LUZP2: variants seen among roughly 807,000 people sequenced by gnomAD.
LUZP2 encodes the protein leucine zipper protein 2.
A neutral mutation model predicts 51.6 loss-of-function variants in LUZP2; 52 were observed. The observed-to-expected ratio is 1.01, with a 90% confidence interval of 0.81 to 1.27. LUZP2 has a LOEUF of 1.27. Ranked by LOEUF, LUZP2 falls within the 50% of genes most tolerant of loss-of-function variation. The probability of loss-of-function intolerance (pLI) is 0.00; values close to 1 mark genes in which losing one functional copy is unlikely to be tolerated. For missense variants in LUZP2, 436 were observed against 395.4 expected (o/e 1.10, Z -0.87); for synonymous variants, 154 against 137.3 (o/e 1.12, Z -0.85).
chr11:25,030,920 A>ATATATATAATATATATTATATATAT (rs1857637343), intron 9 of LUZP2, among the ~76,000 whole-genome samples: 2 of 15,478 alleles, frequency 1.3e-4, no homozygotes, highest in African/African-American at 3.8e-3. Context: ...ATATTGTATT[A>ATATATATAATATATATTATATATAT]TATATATATA....
intron 5 of LUZP2, among the ~76,000 whole-genome samples, chr11:24,869,284 C>T (rs1295205734): frequency 6.6e-6 from 1 of 152,042 alleles, no homozygotes; most frequent in Non-Finnish European, 1.5e-5. Flanking sequence ...CGTTTTATTG[C>T]ACTTAGCTTC....
chr11:24,804,109 G>C (rs2134122112), intron 5 of LUZP2, among the ~76,000 whole-genome samples: 1 of 151,786 alleles, frequency 6.6e-6, no homozygotes, highest in Middle Eastern at 3.4e-3. Flanking sequence ...GACACTAAGT[G>C]TCTACAATTT....
At chr11:25,035,280 G>GAAAATCATA (rs1857818955) in intron 9 of LUZP2, among the ~76,000 whole-genome samples, 1 of 151,926 alleles carries the variant, frequency 6.6e-6, no homozygotes, top group Non-Finnish European at 1.5e-5. Context: ...TCTTTACTTA[G>GAAAATCATA]AAAATCATAA....
At chr11:25,078,437 CTAAGA>C (rs1859380323) in intron 11 of LUZP2, 112 bp from the exon 12 acceptor site, 5 of 722,338 alleles carry the variant, frequency 6.9e-6, no homozygotes, top group Non-Finnish European at 9.1e-6. Flanking sequence ...TTCATTTTCT[CTAAGA>C]TATTTGTTGA....
intron 5 of LUZP2, among the ~76,000 whole-genome samples, chr11:24,905,113 G>GTA (rs1048180366): frequency 1.4e-4 from 21 of 152,062 alleles, no homozygotes; most frequent in African/African-American, 5.1e-4. Context: ...ACCTTTATAT[G>GTA]TATATATATA....
chr11:24,897,929 A>G (rs372702381), intron 5 of LUZP2, among the ~76,000 whole-genome samples: 1 of 152,182 alleles, frequency 6.6e-6, no homozygotes. Context: ...CTGGAAGAGA[A>G]TAACATAGTG....
chr11:25,042,923 C>T (rs993888875), intron 9 of LUZP2, among the ~76,000 whole-genome samples: 7 of 152,084 alleles, frequency 4.6e-5, no homozygotes, highest in African/African-American at 1.2e-4. Context: ...ATAACCACCA[C>T]GGTATAGGGC....
At chr11:24,946,444 T>C (rs533726065) in intron 7 of LUZP2, among the ~76,000 whole-genome samples, 2 of 152,098 alleles carry the variant, frequency 1.3e-5, no homozygotes, top group East Asian at 1.9e-4. Flanking sequence ...TTTTGTATAA[T>C]GTGATGCTTT....
chr11:24,675,936 A>G (rs1856534549), intron 1 of LUZP2, among the ~76,000 whole-genome samples: 1 of 151,894 alleles, frequency 6.6e-6, no homozygotes, highest in African/African-American at 2.4e-5. Flanking sequence ...CTCATGCCTC[A>G]GCTTCCTGAG....
At chr11:24,977,510 G>A (rs1855911712) in intron 8 of LUZP2, among the ~76,000 whole-genome samples, 1 of 151,546 alleles carries the variant, frequency 6.6e-6, no homozygotes, top group African/African-American at 2.4e-5. Flanking sequence ...TGTTTACAAA[G>A]AGCACTTCTG....
chr11:24,590,377 AGTTT>A (rs1183134040), intron 1 of LUZP2, among the ~76,000 whole-genome samples: 5 of 152,134 alleles, frequency 3.3e-5, no homozygotes, highest in Non-Finnish European at 2.9e-5. Context: ...CAGGGTAGTT[AGTTT>A]ATCTATTACC....
chr11:24,926,342 TGTGTATATATATAC>T (rs1565119203), intron 7 of LUZP2, among the ~76,000 whole-genome samples: 13 of 99,798 alleles, frequency 1.3e-4, no homozygotes, highest in African/African-American at 5.6e-4. Context: ...TATATATACG[TGTGTATATATATAC>T]GTGTGTATAT....
At chr11:25,004,320 C>G (rs138894800) in intron 9 of LUZP2, among the ~76,000 whole-genome samples, 2 of 152,262 alleles carry the variant, frequency 1.3e-5, no homozygotes, top group East Asian at 3.9e-4. Flanking sequence ...ACAAGCCCTA[C>G]CAGATGATTG....
chr11:25,033,487 T>A (rs1200171121), intron 9 of LUZP2, among the ~76,000 whole-genome samples: 1 of 152,158 alleles, frequency 6.6e-6, no homozygotes, highest in Non-Finnish European at 1.5e-5. Flanking sequence ...GGGAATATTG[T>A]GTGATGTCGA....
intron 5 of LUZP2, among the ~76,000 whole-genome samples, chr11:24,765,269 T>A (rs1860137973): frequency 6.6e-6 from 1 of 152,144 alleles, no homozygotes. Context: ...AGATTTTCCG[T>A]TCAGGCATAA....
intron 1 of LUZP2, among the ~76,000 whole-genome samples, chr11:24,553,697 G>T (rs1851784083): frequency 1.3e-5 from 2 of 152,110 alleles, no homozygotes; most frequent in Admixed American, 6.6e-5. Flanking sequence ...TTATAGACTA[G>T]AGATAGAGGA....
intron 7 of LUZP2, among the ~76,000 whole-genome samples, chr11:24,974,226 G>A (rs1855825282): frequency 6.6e-6 from 1 of 151,976 alleles, no homozygotes; most frequent in Non-Finnish European, 1.5e-5. Flanking sequence ...TTGGTTTAAT[G>A]TCTGTTTTGT....
chr11:24,520,949 C>T (rs775790592), intron 1 of LUZP2, among the ~76,000 whole-genome samples: 1 of 152,152 alleles, frequency 6.6e-6, no homozygotes, highest in East Asian at 1.9e-4. Flanking sequence ...CCATCATTAG[C>T]TCCAGAGGGA....
At chr11:24,689,646 G>A (rs984381900) in intron 1 of LUZP2, among the ~76,000 whole-genome samples, 4 of 152,056 alleles carry the variant, frequency 2.6e-5, no homozygotes, top group African/African-American at 9.7e-5. Context: ...CTTTTGTCTT[G>A]CTCATGTCTG....
Sources: gnomAD v4.1 joint callset for allele counts (sites outside exome capture counted in the v4.1 genomes callset) on GRCh38, gnomAD v4.1.1 for gene constraint, MANE v1.5 for transcripts, NCBI Gene and HGNC (gene_info 2026-07-23, HGNC 2026-07-21) for gene names.